The following AGBL1 variants were observed in gnomAD, a reference collection of about 807,000 sequenced individuals.
The protein encoded by AGBL1 is AGBL carboxypeptidase 1, also known as cytosolic carboxypeptidase 4.
In AGBL1, 130 loss-of-function variants were observed where a neutral mutation model predicts 118.9. The observed-to-expected ratio is 1.09, with a 90% CI of 0.95 to 1.26. The LOEUF (loss-of-function observed/expected upper bound fraction) is 1.26, where lower values mean the gene tolerates loss of function less well. Among genes scored for constraint, AGBL1 ranks in the 50% most tolerant of loss-of-function variants. AGBL1 has a pLI of 0.00. For synonymous variants in AGBL1, 555 were observed against 478.9 expected (o/e 1.16, Z -2.08); for missense variants, 1,584 against 1,298.1 (o/e 1.22, Z -3.38).
intron 1 of AGBL1, among the ~76,000 whole-genome samples, chr15:86,132,088 A>G (rs562511439): frequency 6.6e-6 from 1 of 152,160 alleles, no homozygotes; most frequent in Non-Finnish European, 1.5e-5. Flanking sequence ...ATTACCCACT[A>G]CTTTAAAGAG....
At position 86,620,047 on chromosome 15, in the gene AGBL1, C is replaced by T. The variant is rs140018122; in HGVS notation, c.2995-54226C>T. On this transcript the variant is annotated intron_variant, in intron 21 of 22. Transcript: ENST00000614907. Reference sequence around the variant, plus strand: ...TTCTTCCAGAAATGCTGGGTGAAGACGGATCTCAGAGTGTTTTTATTAAAA... The same window carrying T: ...TTCTTCCAGAAATGCTGGGTGAAGATGGATCTCAGAGTGTTTTTATTAAAA... Among the ~76,000 whole-genome samples, 767 of 152,228 alleles carry T rather than the reference C, an allele frequency of 5.0e-3. 13 individuals carry two copies. The highest frequency in any genetic ancestry group is 0.018 in the African/African-American group (738 of 41,524).
intron 22 of AGBL1, among the ~76,000 whole-genome samples, chr15:86,729,598 G>A (rs2077501427): frequency 6.6e-6 from 1 of 152,148 alleles, no homozygotes; most frequent in African/African-American, 2.4e-5. Flanking sequence ...TTGCTGCAGT[G>A]GACATGACTT....
chr15:86,414,854 T>C (rs908209207), intron 18 of AGBL1, among the ~76,000 whole-genome samples: 3 of 152,134 alleles, frequency 2.0e-5, no homozygotes, highest in Non-Finnish European at 4.4e-5. Flanking sequence ...CTAAGAACAC[T>C]TAGAATGGAG....
chr15:86,465,573 G>A (rs1330256235), intron 18 of AGBL1, among the ~76,000 whole-genome samples: 1 of 152,136 alleles, frequency 6.6e-6, no homozygotes, highest in Non-Finnish European at 1.5e-5. Flanking sequence ...CGAATAACCT[G>A]GGAAAACGAA....
chr15:86,499,603 C>T (rs1385151440), intron 18 of AGBL1, among the ~76,000 whole-genome samples: 1 of 151,860 alleles, frequency 6.6e-6, no homozygotes, highest in African/African-American at 2.4e-5. Context: ...TTATTTATCG[C>T]AGAATAGCAA....
At chr15:86,253,718 T>G (rs1302156602) in intron 7 of AGBL1, among the ~76,000 whole-genome samples, 2 of 152,222 alleles carry the variant, frequency 1.3e-5, no homozygotes, top group African/African-American at 2.4e-5. Flanking sequence ...CATTTTTTTA[T>G]TTTTGAAAAA....
intron 22 of AGBL1, among the ~76,000 whole-genome samples, chr15:86,852,446 TC>T (rs1375144919): frequency 1.3e-5 from 2 of 152,126 alleles, no homozygotes; most frequent in African/African-American, 2.4e-5. Flanking sequence ...TCAGTCCATT[TC>T]CTGAGAGTCT....
At chr15:86,971,705 C>T (rs1158478663) in intron 23 of AGBL1, among the ~76,000 whole-genome samples, 1 of 151,944 alleles carries the variant, frequency 6.6e-6, no homozygotes, top group East Asian at 1.9e-4. Flanking sequence ...AGCTCCCTCT[C>T]TTTTCATTCT....
chr15:86,628,152 G>A (rs1282137325), intron 21 of AGBL1, among the ~76,000 whole-genome samples: 2 of 152,146 alleles, frequency 1.3e-5, no homozygotes, highest in African/African-American at 4.8e-5. Context: ...CTGTGGGTTT[G>A]TTACATAGCT....
chr15:86,616,027 A>G (rs1315791575), intron 21 of AGBL1, among the ~76,000 whole-genome samples: 1 of 152,142 alleles, frequency 6.6e-6, no homozygotes, highest in Non-Finnish European at 1.5e-5. Context: ...TAGGATAGCA[A>G]TTGTCACAAT....
chr15:86,403,902 C>T (rs1390053275), intron 18 of AGBL1, among the ~76,000 whole-genome samples: 3 of 152,038 alleles, frequency 2.0e-5, no homozygotes, highest in Non-Finnish European at 4.4e-5. Context: ...AAACTGAGAC[C>T]AAAGAGGTAA....
intron 17 of AGBL1, among the ~76,000 whole-genome samples, chr15:86,343,042 A>G (rs2080485149): frequency 6.6e-6 from 1 of 152,162 alleles, no homozygotes; most frequent in South Asian, 2.1e-4. Flanking sequence ...TAACTTAGAC[A>G]TAGTCTTGGG....
intron 3 of AGBL1, among the ~76,000 whole-genome samples, chr15:86,151,852 A>G (rs2077116280): frequency 6.6e-6 from 1 of 152,230 alleles, no homozygotes; most frequent in African/African-American, 2.4e-5. Flanking sequence ...ATCAATGTGC[A>G]AAAATCACAA....
intron 18 of AGBL1, among the ~76,000 whole-genome samples, chr15:86,485,731 G>C (rs1226707628): frequency 6.6e-6 from 1 of 152,064 alleles, no homozygotes; most frequent in Non-Finnish European, 1.5e-5. Context: ...ACCGTAGTTT[G>C]CAAACTCCTA....
intron 18 of AGBL1, among the ~76,000 whole-genome samples, chr15:86,456,460 G>A (rs1481260321): frequency 1.3e-5 from 2 of 152,170 alleles, no homozygotes; most frequent in African/African-American, 2.4e-5. Flanking sequence ...CAATGACCAG[G>A]CAGCATGGGC....
chr15:86,659,389 C>T (rs2085506313), intron 21 of AGBL1, among the ~76,000 whole-genome samples: 1 of 152,068 alleles, frequency 6.6e-6, no homozygotes, highest in Non-Finnish European at 1.5e-5. Context: ...AAGCTAAGAC[C>T]CTGCCAAAGG....
intron 7 of AGBL1, among the ~76,000 whole-genome samples, chr15:86,252,970 G>A (rs138820811): frequency 1.1e-4 from 17 of 152,274 alleles, no homozygotes; most frequent in Non-Finnish European, 1.0e-4. Flanking sequence ...GGCAGGAGTC[G>A]AAGAGCTGCT....
chr15:86,500,986 A>C (rs1356745340), intron 18 of AGBL1, among the ~76,000 whole-genome samples: 1 of 151,718 alleles, frequency 6.6e-6, no homozygotes, highest in Non-Finnish European at 1.5e-5. Flanking sequence ...ATGTGGACAT[A>C]TATTTTTAGT....
At chr15:86,136,287 A>T (rs916419968) in intron 1 of AGBL1, among the ~76,000 whole-genome samples, 2 of 152,264 alleles carry the variant, frequency 1.3e-5, no homozygotes, top group African/African-American at 4.8e-5. Flanking sequence ...GAGATATAAG[A>T]AAATAACCAG....
Sources: allele counts gnomAD v4.1 joint callset (sites outside exome capture counted in the v4.1 genomes callset), GRCh38; gene constraint gnomAD v4.1.1; transcripts MANE v1.5; gene names NCBI Gene and HGNC (gene_info 2026-07-23, HGNC 2026-07-21).